DDX46: variants seen among roughly 807,000 people sequenced by gnomAD.
DDX46 encodes probable ATP-dependent RNA helicase DDX46.
Under a neutral mutation model 134.9 loss-of-function variants are expected in DDX46, and 30 were observed. The ratio of observed to expected loss-of-function variants is 0.22; its 90% CI spans 0.17 to 0.30. The LOEUF (loss-of-function observed/expected upper bound fraction) is 0.30. DDX46 is among the 10% of genes least tolerant of loss of function. The pLI is 1.00. For synonymous variants in DDX46, 415 were observed against 404.1 expected, an observed-to-expected ratio of 1.03 and a Z score of -0.32; for missense variants, 622 against 1,248.7, an observed-to-expected ratio of 0.50 and a Z score of 7.56.
intron 2 of DDX46, among the ~76,000 whole-genome samples, chr5:134,765,348 A>G (rs563825506): frequency 2.0e-5 from 3 of 150,130 alleles, no homozygotes; most frequent in Non-Finnish European, 4.4e-5. Context: ...GTTTGAGACC[A>G]GCCTGGCCAA....
Position 134,809,949 on chromosome 5 carries a change from G to T in DDX46, c.2149-1272G>T, listed in dbSNP as rs926354002. 6.6e-5 allele frequency among the ~76,000 whole-genome samples: 10 copies of T among 152,126 alleles called. No homozygotes were observed. In the South Asian group the frequency reaches 1.2e-3, roughly 19 times the overall value. ...AATAGCTTGAACCCGGGAGGCAGAG[G>T]TTGCGATGAACCAAGATTGTGCCAT... On this transcript the variant is annotated intron_variant, in intron 16 of 22. Coordinates refer to ENST00000452510, the MANE Select transcript of DDX46 (RefSeq NM_001300860.2).
At chr5:134,781,283 A>G (rs1012105175) in intron 7 of DDX46, 37 bp downstream of exon 7, 4 of 1,471,988 alleles carry the variant, frequency 2.7e-6, no homozygotes, top group Non-Finnish European at 3.7e-6. Context: ...TTATGATACT[A>G]TCCTGGAAGC....
At chr5:134,776,079 G>T (rs254709) in intron 5 of DDX46, among the ~76,000 whole-genome samples, 10,501 of 152,108 alleles carry the variant, frequency 0.069, 791 homozygotes, top group African/African-American at 0.2. Context: ...TATGGTAAGC[G>T]GGAGAAAAGA....
chr5:134,788,804 G>A (rs952860292), intron 12 of DDX46, among the ~76,000 whole-genome samples: 1 of 151,256 alleles, frequency 6.6e-6, no homozygotes, highest in South Asian at 2.1e-4. Context: ...AGCCAAGATC[G>A]CACCACTGTA....
In DDX46 at chr5:134,781,328, C is replaced by T. The variant is rs1754146737; in HGVS notation, c.879+82C>T. 8.4e-6 allele frequency: 9 copies of T among 1,071,186 alleles called. No homozygotes were observed. In the Admixed American group the frequency reaches 2.2e-4, roughly 26 times the overall value. The allele number at this position is 1,071,186 out of a possible 1,614,324, so 66.4% of individuals were successfully genotyped here. ...AAAGCATTCATGGAGATGTGCGTTT[C>T]ATTTGTGTGAGCTAGGAGAAATTCC... On this transcript the variant is annotated intron_variant, in intron 7 of 22. Coordinates refer to ENST00000452510, the MANE Select transcript of DDX46 (RefSeq NM_001300860.2).
intron 21 of DDX46, among the ~76,000 whole-genome samples, chr5:134,821,980 C>T (rs1755468879): frequency 6.6e-6 from 1 of 151,046 alleles, no homozygotes; most frequent in Non-Finnish European, 1.5e-5. Context: ...GCAACCTCCA[C>T]CTCCCAGGTT....
chr5:134,765,075 T>A (rs1365336002), intron 2 of DDX46, among the ~76,000 whole-genome samples: 3 of 150,494 alleles, frequency 2.0e-5, no homozygotes, highest in African/African-American at 7.4e-5. Flanking sequence ...TTTTTTAATT[T>A]ATTTTTTTTT....
intron 15 of DDX46, among the ~76,000 whole-genome samples, chr5:134,806,692 A>T (rs911862740): frequency 9.9e-5 from 15 of 152,160 alleles, no homozygotes; most frequent in Admixed American, 4.6e-4. Context: ...ATTGGTAATT[A>T]TTTACGTGCT....
chr5:134,802,572 T>A (rs1754865662), intron 15 of DDX46, among the ~76,000 whole-genome samples: 1 of 152,106 alleles, frequency 6.6e-6, no homozygotes, highest in Non-Finnish European at 1.5e-5. Context: ...AGTTTTTGTA[T>A]TTTTTTAGTT....
rs534891710 is a variant in DDX46, at chr5:134,813,524, A to G, written c.2436+1679A>G. On this transcript the variant is annotated intron_variant, in intron 18 of 22. Coordinates refer to ENST00000452510, the MANE Select transcript of DDX46 (RefSeq NM_001300860.2). The stretch of plus-strand genomic sequence containing the variant: ...CCACATGGCAGCTGGCTTTCCCCAC[A>G]GTGAGTGATCAAAGAGAGCAAAGAG... 5.2e-4 allele frequency among the ~76,000 whole-genome samples: 79 copies of G among 152,334 alleles called. 1 individual carries two copies. The highest frequency in any genetic ancestry group is 4.5e-3 in the Admixed American group (69 of 15,308).
chr5:134,802,849 C>G (rs1021148563), intron 15 of DDX46, among the ~76,000 whole-genome samples: 1 of 152,044 alleles, frequency 6.6e-6, no homozygotes, highest in Non-Finnish European at 1.5e-5. Context: ...TGTAGAGATT[C>G]TAAATTCTCA....
intron 5 of DDX46, among the ~76,000 whole-genome samples, chr5:134,775,151 C>T (rs950469728): frequency 4.8e-4 from 73 of 151,870 alleles, no homozygotes; most frequent in African/African-American, 1.5e-3. Context: ...GCCAGGGTCT[C>T]GATATGTTAC....
At chr5:134,760,603 CTA>C (rs1753347219) in intron 1 of DDX46, among the ~76,000 whole-genome samples, 1 of 152,136 alleles carries the variant, frequency 6.6e-6, no homozygotes, top group Non-Finnish European at 1.5e-5. Flanking sequence ...AACAGGAAGA[CTA>C]CAGTCTTTAA....
In DDX46 at chr5:134,799,536, G is replaced by A. The variant is rs569094010; in HGVS notation, c.1954+3386G>A. On this transcript the variant is annotated intron_variant, in intron 15 of 22. Transcript: ENST00000452510. Reference sequence around the variant, plus strand: ...GTGGATCACTTGAGCTCATGAGTTTGGGACCAGCCTGGCCAACATGGTGAA... The same window carrying A: ...GTGGATCACTTGAGCTCATGAGTTTAGGACCAGCCTGGCCAACATGGTGAA... Among the ~76,000 whole-genome samples, 492 of 151,982 alleles carry A rather than the reference G, an allele frequency of 3.2e-3. 3 individuals are homozygous for A. The highest frequency in any genetic ancestry group is 0.011 in the African/African-American group (470 of 41,464).
chr5:134,802,699 A>C (rs1754868761), intron 15 of DDX46, among the ~76,000 whole-genome samples: 1 of 152,034 alleles, frequency 6.6e-6, no homozygotes, highest in South Asian at 2.1e-4. Flanking sequence ...TGTGCTTTGA[A>C]ATCTTTGTTA....
intron 21 of DDX46, among the ~76,000 whole-genome samples, chr5:134,825,499 T>C (rs931472556): frequency 1.3e-5 from 2 of 152,232 alleles, no homozygotes; most frequent in South Asian, 4.1e-4. Flanking sequence ...TACTCATTTC[T>C]AATATGGGGG....
intron 7 of DDX46, 148 bp downstream of exon 7, chr5:134,781,394 A>G (rs1754149084): frequency 6.3e-6 from 4 of 632,918 alleles, no homozygotes; most frequent in Admixed American, 3.5e-5. Context: ...GTAGTATAAT[A>G]GTATCTAGTT....
At chr5:134,785,090 C>T (rs575113518) in intron 10 of DDX46, among the ~76,000 whole-genome samples, 1 of 152,264 alleles carries the variant, frequency 6.6e-6, no homozygotes, top group South Asian at 2.1e-4. Context: ...TCTGTCTGTG[C>T]CCCTCAGACC....
At chr5:134,764,813 C>G (rs1391878840) in intron 2 of DDX46, among the ~76,000 whole-genome samples, 1 of 150,096 alleles carries the variant, frequency 6.7e-6, no homozygotes, top group Non-Finnish European at 1.5e-5. Flanking sequence ...CTTCCTCTCT[C>G]CCTCCTTCCC....
Sources: gnomAD v4.1 joint callset for allele counts (sites outside exome capture counted in the v4.1 genomes callset) on GRCh38, gnomAD v4.1.1 for gene constraint, MANE v1.5 for transcripts, NCBI Gene and HGNC (gene_info 2026-07-23, HGNC 2026-07-21) for gene names.